The following PLXNA2 variants were observed in gnomAD, a reference collection of about 807,000 sequenced individuals.
PLXNA2 encodes plexin-A2.
A neutral mutation model predicts 193.5 loss-of-function variants in PLXNA2; 91 were observed. The observed-to-expected ratio is 0.47, with a 90% CI of 0.40 to 0.56. The LOEUF is 0.56. PLXNA2 is among the 20% of genes least tolerant of loss of function. PLXNA2 has a pLI of 0.00. For missense variants in PLXNA2, 1,995 were observed against 2,503.2 expected (o/e 0.80, Z 4.33); for synonymous variants, 997 against 1,027.3 (o/e 0.97, Z 0.56).
At chr1:208,197,091 C>T (rs1465781374) in intron 3 of PLXNA2, among the ~76,000 whole-genome samples, 7 of 152,110 alleles carry the variant, frequency 4.6e-5, no homozygotes, top group East Asian at 1.9e-4. Context: ...GCCAAGGTCA[C>T]GTACTTAGTA....
At chr1:208,095,152 T>C (rs1666840084) in intron 8 of PLXNA2, among the ~76,000 whole-genome samples, 1 of 152,256 alleles carries the variant, frequency 6.6e-6, no homozygotes, top group African/African-American at 2.4e-5. Flanking sequence ...TTTTTGGTCC[T>C]ATGACCCTTA....
At chr1:208,180,723 G>A (rs928166852) in intron 3 of PLXNA2, among the ~76,000 whole-genome samples, 4 of 152,220 alleles carry the variant, frequency 2.6e-5, no homozygotes, top group Admixed American at 6.5e-5. Context: ...GTGGAGACAC[G>A]GGTGAGTCTT....
At chr1:208,099,369 A>T (rs1667018058) in intron 5 of PLXNA2, among the ~76,000 whole-genome samples, 1 of 152,224 alleles carries the variant, frequency 6.6e-6, no homozygotes, top group Non-Finnish European at 1.5e-5. Context: ...AGGCCCTGTT[A>T]TAGAATTTTG....
chr1:208,139,480 T>C (rs1482809206), intron 4 of PLXNA2, among the ~76,000 whole-genome samples: 1 of 152,102 alleles, frequency 6.6e-6, no homozygotes, highest in Non-Finnish European at 1.5e-5. Context: ...TAAAAAGAAA[T>C]TCCCCCTTTA....
intron 12 of PLXNA2, among the ~76,000 whole-genome samples, chr1:208,066,801 A>G (rs1571879332): frequency 1.3e-5 from 2 of 152,298 alleles, no homozygotes; most frequent in South Asian, 2.1e-4. Context: ...CAAGATAAGG[A>G]GGTGGAAGAC....
At chr1:208,041,074 G>C (rs947357992) in intron 22 of PLXNA2, among the ~76,000 whole-genome samples, 1 of 152,204 alleles carries the variant, frequency 6.6e-6, no homozygotes, top group Admixed American at 6.5e-5. Flanking sequence ...GCTTTCTCCC[G>C]TGGCTCCTCC....
chr1:208,151,037 C>A (rs1450536445), intron 3 of PLXNA2, among the ~76,000 whole-genome samples: 3 of 152,178 alleles, frequency 2.0e-5, no homozygotes, highest in Admixed American at 6.5e-5. Context: ...GCTGAGGGAA[C>A]AAGACGAAGC....
chr1:208,206,614 T>C (rs897597008), intron 3 of PLXNA2, among the ~76,000 whole-genome samples: 1 of 152,220 alleles, frequency 6.6e-6, no homozygotes, highest in African/African-American at 2.4e-5. Context: ...AAGCAGACCC[T>C]GGTAATCTTC....
chr1:208,111,949 C>A (rs895713662), intron 4 of PLXNA2, among the ~76,000 whole-genome samples: 2 of 152,166 alleles, frequency 1.3e-5, no homozygotes, highest in African/African-American at 4.8e-5. Flanking sequence ...AACCTTCTGA[C>A]CAGAAGCTGA....
At chr1:208,133,650 C>T (rs910685066) in intron 4 of PLXNA2, among the ~76,000 whole-genome samples, 1 of 152,210 alleles carries the variant, frequency 6.6e-6, no homozygotes, top group Admixed American at 6.5e-5. Flanking sequence ...TTTGACCCTT[C>T]GGAACATCTT....
chr1:208,086,522 G>T (rs1162575300), intron 9 of PLXNA2, among the ~76,000 whole-genome samples: 9 of 152,016 alleles, frequency 5.9e-5, no homozygotes, highest in Non-Finnish European at 8.8e-5. Context: ...GGATCTGGGG[G>T]AAATTCTGCA....
chr1:208,052,856 TC>T (rs1166642885), intron 14 of PLXNA2, among the ~76,000 whole-genome samples: 1 of 151,994 alleles, frequency 6.6e-6, no homozygotes, highest in African/African-American at 2.4e-5. Context: ...GAATAAAGCA[TC>T]CCTGCCTGGG....
intron 3 of PLXNA2, among the ~76,000 whole-genome samples, chr1:208,189,945 C>T (rs996941566): frequency 8.5e-5 from 13 of 152,166 alleles, no homozygotes; most frequent in African/African-American, 1.4e-4. Context: ...GAAATATCTC[C>T]ACCCTCTTCC....
At chr1:208,042,772 T>A (rs2281913) in intron 21 of PLXNA2, among the ~76,000 whole-genome samples, 110,700 of 152,222 alleles carry the variant, frequency 0.73, 40,921 homozygotes, top group Non-Finnish European at 0.8. Flanking sequence ...TGTCTTTCTT[T>A]AAGCCATCTT....
At position 208,040,069 on chromosome 1, in the gene PLXNA2, G is replaced by C. The variant is rs1263782988; in HGVS notation, c.4287-11C>G. 7 of 1,613,040 alleles carry C rather than the reference G, an allele frequency of 4.3e-6. No individual in the cohort carries two copies. The highest frequency in any genetic ancestry group is 5.9e-6 in the Non-Finnish European group (7 of 1,179,058). On this transcript the variant is annotated splice_polypyrimidine_tract_variant and intron_variant, in intron 22 of 31. Transcript: ENST00000367033. Reference sequence around the variant, plus strand: ...GCCACAGACTCTGTCCTGGGGAAGGGACAAAGGGTAAGGGGCAGTCCTTCA... The same window carrying C: ...GCCACAGACTCTGTCCTGGGGAAGGCACAAAGGGTAAGGGGCAGTCCTTCA...
intron 3 of PLXNA2, chr1:208,209,983 A>AATTTTTTTTTTTGTTTTTTTTTTTTTTT (rs34413554): frequency 1.1e-5 from 1 of 87,322 alleles, no homozygotes; most frequent in African/African-American, 4.8e-5. Flanking sequence ...ATGAAGAGCA[A>AATTTTTTTTTTTGTTTTTTTTTTTTTTT]TTTTTTTTTT....
In PLXNA2 at chr1:208,038,843, C is replaced by T; in HGVS notation, c.4642G>A (p.Ala1548Thr). The T allele has an allele frequency of 6.2e-7, 1 of 1,613,978 alleles. No homozygotes were observed. The highest frequency in any genetic ancestry group is 2.2e-5 in the East Asian group (1 of 44,846). Residue 1548 changes from alanine to threonine, a missense_variant, in exon 25 of 32, where the codon GCA becomes ACA. By Grantham distance (58) the Ala-to-Thr change is moderately conservative (BLOSUM62 0). Around this residue, in one of 3 missense-constraint regions of PLXNA2, gnomAD observed 1,291 missense variants for 1,673.6 expected, o/e 0.77. Coordinates refer to ENST00000367033, the MANE Select transcript of PLXNA2 (RefSeq NM_025179.4). This position sits in a 1 kb window ranked among gnomAD's most constrained non-coding sequence, Gnocchi z 4.1. ...TTCCTACCCAAGTCCATGTCCACTGCCCTCGGCCGCTGGGAATAGGGCACA... is the reference window on the plus strand; with the variant it reads ...TTCCTACCCAAGTCCATGTCCACTGTCCTCGGCCGCTGGGAATAGGGCACA... ...KNVPYSQRPRAVDMDLEWRQG... is the reference protein window; with the variant it reads ...KNVPYSQRPRTVDMDLEWRQG...
intron 2 of PLXNA2, among the ~76,000 whole-genome samples, chr1:208,213,166 A>T (rs1336444658): frequency 9.4e-6 from 1 of 105,856 alleles, no homozygotes; most frequent in Non-Finnish European, 2.1e-5. Context: ...AGAACTATTA[A>T]AAAAAAAAAA....
intron 2 of PLXNA2, among the ~76,000 whole-genome samples, chr1:208,211,670 G>A (rs1670956382): frequency 6.7e-6 from 1 of 149,072 alleles, no homozygotes. Flanking sequence ...TCCAGCCTGG[G>A]CGGCAGAACG....
Sources: gnomAD v4.1 joint callset for allele counts (sites outside exome capture counted in the v4.1 genomes callset) on GRCh38, gnomAD v4.1.1 for gene constraint, gnomAD v4.1.1 regional missense constraint, Gnocchi (gnomAD v3.1) non-coding constraint, MANE v1.5 for transcripts, NCBI Gene and HGNC (gene_info 2026-07-23, HGNC 2026-07-21) for gene names.